Variants in PLEKHB2 observed in about 807,000 individuals in gnomAD.
PLEKHB2 encodes the protein pleckstrin homology domain-containing family B member 2.
A neutral mutation model predicts 36.5 loss-of-function variants in PLEKHB2; 31 were observed. The ratio of observed to expected loss-of-function variants is 0.85; its 90% CI spans 0.64 to 1.15. PLEKHB2 has a LOEUF of 1.15. PLEKHB2 is among the 50% of genes most tolerant of loss of function. The pLI, the probability that PLEKHB2 is intolerant of heterozygous loss-of-function variation, is 0.00. For synonymous variants in PLEKHB2, 119 were observed against 112.0 expected, an observed-to-expected ratio of 1.06 and a Z score of -0.39; for missense variants, 262 against 295.3, an observed-to-expected ratio of 0.89 and a Z score of 0.83.
rs964790830 is a variant in PLEKHB2, at chr2:131,149,366, C to G, written c.*2593C>G. On this transcript the variant is annotated 3_prime_UTR_variant, in exon 8 of 8. Coordinates refer to ENST00000693505, the MANE Select transcript of PLEKHB2 (RefSeq NM_001100623.2). ...AGTAAGCATTTTACTTCCATGTGTA[C>G]TTTTAAATAATCCATACCTTGAAGA... 6.6e-6 allele frequency: 1 copy of G among 152,184 alleles called. No homozygotes were observed. Among genetic ancestry groups the G allele is most frequent in the Admixed American group, 6.5e-5 (1 of 15,278 alleles). 9.4% of individuals were successfully genotyped at this position (152,184 alleles called of 1,614,324 possible). A position where few individuals can be genotyped will look rare whatever the true frequency, so the allele number is the denominator to read the frequency against.
chr2:131,109,621 C>T (rs1269122366), intron 1 of PLEKHB2, among the ~76,000 whole-genome samples: 1 of 151,712 alleles, frequency 6.6e-6, no homozygotes, highest in Non-Finnish European at 1.5e-5. Context: ...ACCTGGAAGG[C>T]GATGGGTGCA....
chr2:131,136,649 T>A (rs977366369), intron 6 of PLEKHB2, among the ~76,000 whole-genome samples: 1 of 151,788 alleles, frequency 6.6e-6, no homozygotes, highest in Non-Finnish European at 1.5e-5. Flanking sequence ...TATTTATTGC[T>A]GAATTCAGTT....
At chr2:131,132,663 G>A (rs1337348209) in intron 5 of PLEKHB2, among the ~76,000 whole-genome samples, 1 of 152,136 alleles carries the variant, frequency 6.6e-6, no homozygotes. Context: ...TCCTGGCTGT[G>A]AGAGCTGTAG....
intron 6 of PLEKHB2, among the ~76,000 whole-genome samples, chr2:131,136,030 A>G (rs1273998650): frequency 6.6e-6 from 1 of 152,164 alleles, no homozygotes; most frequent in East Asian, 1.9e-4. Context: ...TAATGCATTC[A>G]TTAAGTATGC....
intron 1 of PLEKHB2, among the ~76,000 whole-genome samples, chr2:131,117,315 T>C (rs1559056811): frequency 6.6e-6 from 1 of 152,114 alleles, no homozygotes; most frequent in Non-Finnish European, 1.5e-5. Flanking sequence ...TAATTCTAGC[T>C]ACTTGGGAGG....
Position 131,125,751 on chromosome 2 carries a change from A to G in PLEKHB2, c.38-2A>G. On this transcript the variant is annotated splice_acceptor_variant, in intron 2 of 7. Coordinates refer to ENST00000693505, the MANE Select transcript of PLEKHB2 (RefSeq NM_001100623.2). LOFTEE classifies it high-confidence loss of function. ...AACAACCGTACTATTTTTTTTTTCC[A>G]GGTACTATTTTGAAGCGCTGGAAGA... 1 of 1,567,180 alleles carries G rather than the reference A, an allele frequency of 6.4e-7. No individual in the cohort carries two copies. Among genetic ancestry groups the G allele is most frequent in the South Asian group, 1.2e-5 (1 of 84,834 alleles).
Position 131,135,599 on chromosome 2 carries a change from A to G in PLEKHB2, c.423+2608A>G, listed in dbSNP as rs114011536. Among the ~76,000 whole-genome samples, 568 of 150,882 alleles carry G rather than the reference A, an allele frequency of 3.8e-3. 2 individuals are homozygous for G. Among genetic ancestry groups the G allele is most frequent in the African/African-American group, 0.012 (508 of 41,016 alleles). On this transcript the variant is annotated intron_variant, in intron 6 of 7. Coordinates refer to ENST00000693505, the MANE Select transcript of PLEKHB2 (RefSeq NM_001100623.2). ...TGCCTTGTTCCTGATTTTAGGGGGG[A>G]TGTATTCAGTGTTTTTTTTTGAGAT... is the stretch of plus-strand genomic sequence containing the variant.
chr2:131,117,247 G>A (rs1195629180), intron 1 of PLEKHB2, among the ~76,000 whole-genome samples: 4 of 152,034 alleles, frequency 2.6e-5, no homozygotes, highest in African/African-American at 4.8e-5. Flanking sequence ...CCAACGTGGC[G>A]AAATCCTGTC....
intron 7 of PLEKHB2, among the ~76,000 whole-genome samples, chr2:131,141,417 A>C (rs1030536281): frequency 2.0e-5 from 3 of 152,020 alleles, no homozygotes; most frequent in Non-Finnish European, 4.4e-5. Flanking sequence ...AGGCGGGTGG[A>C]TCATGAGGTC....
chr2:131,133,003 C>A lies in PLEKHB2; in HGVS notation c.423+12C>A. 6.2e-7 allele frequency: 1 copy of A among 1,602,840 alleles called. No individual in the cohort carries two copies. The highest frequency in any genetic ancestry group is 1.7e-4 in the Middle Eastern group (1 of 6,040). ...CACCGGCCCCTGAGGTAGGGAGAACCCTGAGCCTCCAGGTGAGGGAAGTTT... is the reference window on the plus strand; with the variant it reads ...CACCGGCCCCTGAGGTAGGGAGAACACTGAGCCTCCAGGTGAGGGAAGTTT... On this transcript the variant is annotated intron_variant, in intron 6 of 7. Coordinates refer to ENST00000693505, the MANE Select transcript of PLEKHB2 (RefSeq NM_001100623.2).
intron 6 of PLEKHB2, among the ~76,000 whole-genome samples, chr2:131,139,025 G>C (rs1698531237): frequency 6.6e-6 from 1 of 152,220 alleles, no homozygotes; most frequent in Non-Finnish European, 1.5e-5. Context: ...GGCGTTTGCT[G>C]ATGTGAGGCT....
At chr2:131,128,099 C>T (rs1697277232) in intron 4 of PLEKHB2, among the ~76,000 whole-genome samples, 1 of 152,154 alleles carries the variant, frequency 6.6e-6, no homozygotes, top group South Asian at 2.1e-4. Context: ...AGCCCTGTGC[C>T]CTCAGATTAC....
Position 131,140,203 on chromosome 2 carries a change from C to A in PLEKHB2, c.460C>A (p.Pro154Thr). Reference protein sequence around the residue: ...YGYGPYGGAYPPGTQVVYAAN... With the variant: ...YGYGPYGGAYTPGTQVVYAAN... ...CTATGGGCCATACGGTGGTGCGTACCCGCCAGGAACTCAAGTTGTCTACGC... is the reference window on the plus strand; with the variant it reads ...CTATGGGCCATACGGTGGTGCGTACACGCCAGGAACTCAAGTTGTCTACGC... Residue 154 changes from proline (P) to threonine (T), a missense_variant, in exon 7 of 8, where the codon CCG becomes ACG. Coordinates refer to ENST00000693505, the MANE Select transcript of PLEKHB2 (RefSeq NM_001100623.2). The A allele has an allele frequency of 6.2e-7, 1 of 1,613,532 alleles. No individual in the cohort carries two copies. The highest frequency in any genetic ancestry group is 8.5e-7 in the Non-Finnish European group (1 of 1,179,540).
intron 1 of PLEKHB2, among the ~76,000 whole-genome samples, chr2:131,118,327 T>G (rs577921887): frequency 6.6e-6 from 1 of 152,174 alleles, no homozygotes; most frequent in Admixed American, 6.5e-5. Flanking sequence ...TAAGGACAGA[T>G]AGCATGAATT....
chr2:131,105,673 C>T (rs951653924), intron 1 of PLEKHB2, among the ~76,000 whole-genome samples: 1 of 152,172 alleles, frequency 6.6e-6, no homozygotes, highest in Non-Finnish European at 1.5e-5. Flanking sequence ...CCCCCCCGGC[C>T]TCTCAGACCC....
chr2:131,130,916 G>A (rs1697609738), intron 5 of PLEKHB2, among the ~76,000 whole-genome samples, 156 bp downstream of exon 5: 1 of 152,000 alleles, frequency 6.6e-6, no homozygotes, highest in Non-Finnish European at 1.5e-5. Context: ...CTTCCCAGTA[G>A]CTGGGACTAT....
chr2:131,117,271 C>CA (rs1305152610), intron 1 of PLEKHB2, among the ~76,000 whole-genome samples: 1 of 151,348 alleles, frequency 6.6e-6, no homozygotes, highest in Non-Finnish European at 1.5e-5. Flanking sequence ...ACTTAAAATA[C>CA]AAAAAATTAG....
intron 1 of PLEKHB2, among the ~76,000 whole-genome samples, chr2:131,112,129 A>G (rs926053235): frequency 1.3e-5 from 2 of 152,108 alleles, no homozygotes; most frequent in South Asian, 2.1e-4. Context: ...CTGCCCCCCA[A>G]CCTTCCAGGA....
At chr2:131,145,250 G>A (rs1699167875) in intron 7 of PLEKHB2, among the ~76,000 whole-genome samples, 1 of 152,178 alleles carries the variant, frequency 6.6e-6, no homozygotes, top group African/African-American at 2.4e-5. Context: ...TGCTGTAAGT[G>A]GCTGGAAATG....
Sources: gnomAD v4.1 joint callset for allele counts (sites outside exome capture counted in the v4.1 genomes callset) on GRCh38, gnomAD v4.1.1 for gene constraint, MANE v1.5 for transcripts, NCBI Gene and HGNC (gene_info 2026-07-23, HGNC 2026-07-21) for gene names.